LDLRAD3: variants seen among roughly 807,000 people sequenced by gnomAD.
LDLRAD3 encodes low density lipoprotein receptor class A domain containing 3, also known as low-density lipoprotein receptor class A domain-containing protein 3.
A neutral mutation model predicts 29.4 loss-of-function variants in LDLRAD3; 20 were observed. That is an observed-to-expected ratio of 0.68 (90% CI 0.48 to 0.99). The LOEUF (loss-of-function observed/expected upper bound fraction) is 0.99, where lower values mean the gene tolerates loss of function less well. Ranked by LOEUF, LDLRAD3 falls within the 50% of genes least tolerant of loss-of-function variation. The probability of loss-of-function intolerance (pLI) is 0.00; values close to 1 mark genes in which losing one functional copy is unlikely to be tolerated. For synonymous variants in LDLRAD3, 157 were observed against 192.7 expected, an observed-to-expected ratio of 0.81 and a Z score of 1.53; for missense variants, 420 against 454.3, an observed-to-expected ratio of 0.92 and a Z score of 0.69.
chr11:36,083,676 T>A (rs926949859), intron 3 of LDLRAD3, among the ~76,000 whole-genome samples: 1 of 151,888 alleles, frequency 6.6e-6, no homozygotes, highest in African/African-American at 2.4e-5. Flanking sequence ...AGTAAGTGAG[T>A]ATCAGCTTGA....
intron 4 of LDLRAD3, chr11:36,102,073 A>G (rs1171710840): frequency 5.3e-6 from 1 of 188,780 alleles, no homozygotes; most frequent in Non-Finnish European, 1.1e-5. Context: ...TATTTTTAGT[A>G]GCGACGGGGT....
chr11:36,191,614 A>G (rs1854952358), intron 4 of LDLRAD3, among the ~76,000 whole-genome samples: 1 of 122,376 alleles, frequency 8.2e-6, no homozygotes, highest in Admixed American at 8.0e-5. Context: ...ACACACACAC[A>G]CACACACACG....
At chr11:36,103,267 C>T (rs968659033) in intron 4 of LDLRAD3, among the ~76,000 whole-genome samples, 1 of 133,454 alleles carries the variant, frequency 7.5e-6, no homozygotes, top group Non-Finnish European at 1.5e-5. Flanking sequence ...AGTGGAGTCT[C>T]GCTCTGTCAC....
At position 36,067,842 on chromosome 11, in the gene LDLRAD3, A is replaced by AT. The variant is rs1022888816; in HGVS notation, c.194-13803dup. ...TGTGCCTGGCTAAATTTTTTTTTGT[A>AT]TTTTTTTTGTAGAGATAAGGTTTCA... On this transcript the variant is annotated intron_variant, in intron 2 of 5. Transcript: ENST00000315571. Among the ~76,000 whole-genome samples, 33 of 151,504 alleles carry AT rather than the reference A, an allele frequency of 2.2e-4. No individual in the cohort carries two copies. The South Asian group carries it at 4.8e-3, about 22-fold the overall frequency.
intron 4 of LDLRAD3, among the ~76,000 whole-genome samples, chr11:36,188,799 C>T (rs1277439188): frequency 2.6e-5 from 4 of 152,094 alleles, no homozygotes; most frequent in African/African-American, 4.8e-5. Context: ...AACATTGAAA[C>T]TACTAGCCCT....
intron 1 of LDLRAD3, among the ~76,000 whole-genome samples, chr11:35,985,247 T>A (rs945963408): frequency 5.9e-5 from 9 of 152,230 alleles, no homozygotes; most frequent in African/African-American, 2.2e-4. Flanking sequence ...TGTTCTTGAC[T>A]TGGTGCTTCC....
At chr11:36,135,765 T>C (rs1251332225) in intron 4 of LDLRAD3, among the ~76,000 whole-genome samples, 1 of 151,984 alleles carries the variant, frequency 6.6e-6, no homozygotes, top group Non-Finnish European at 1.5e-5. Flanking sequence ...CAAAAATTAG[T>C]TGGGTGTGGT....
At chr11:36,192,576 T>A (rs1253702361) in intron 4 of LDLRAD3, among the ~76,000 whole-genome samples, 1 of 152,238 alleles carries the variant, frequency 6.6e-6, no homozygotes, top group Non-Finnish European at 1.5e-5. Flanking sequence ...GTTATAATGC[T>A]GCCCTGCTCT....
intron 1 of LDLRAD3, among the ~76,000 whole-genome samples, chr11:35,945,414 C>T (rs1027233798): frequency 1.3e-5 from 2 of 152,312 alleles, no homozygotes; most frequent in South Asian, 4.1e-4. Context: ...CTCTGATACC[C>T]CATTTAGATG....
At chr11:36,025,376 A>G (rs888133709) in intron 1 of LDLRAD3, among the ~76,000 whole-genome samples, 1 of 149,904 alleles carries the variant, frequency 6.7e-6, no homozygotes, top group African/African-American at 2.4e-5. Flanking sequence ...ATATTTTGCC[A>G]TGCTGGCTTC....
intron 1 of LDLRAD3, among the ~76,000 whole-genome samples, chr11:35,950,697 C>T (rs1851120653): frequency 6.6e-6 from 1 of 152,204 alleles, no homozygotes; most frequent in South Asian, 2.1e-4. Flanking sequence ...GAGTGGCTCC[C>T]ATTCATTGAA....
At chr11:36,133,547 CTTT>C (rs67935336) in intron 4 of LDLRAD3, among the ~76,000 whole-genome samples, 54 of 119,886 alleles carry the variant, frequency 4.5e-4, no homozygotes, top group Middle Eastern at 4.7e-3. Flanking sequence ...TTTTTCTTTT[CTTT>C]TTTTTTTTTT....
intron 4 of LDLRAD3, among the ~76,000 whole-genome samples, chr11:36,117,325 A>AAAT (rs1323668466): frequency 6.6e-6 from 1 of 152,218 alleles, no homozygotes; most frequent in Non-Finnish European, 1.5e-5. Context: ...TAGAATTGCA[A>AAAT]AATTCTCACA....
intron 2 of LDLRAD3, among the ~76,000 whole-genome samples, chr11:36,046,317 TC>T (rs1372237526): frequency 6.6e-6 from 1 of 152,144 alleles, no homozygotes; most frequent in Admixed American, 6.5e-5. Flanking sequence ...TTGTGAGGCC[TC>T]CCCAGCCATG....
chr11:36,176,280 G>A lies in LDLRAD3; in HGVS notation c.455-50805G>A, dbSNP rs1381267105. Among the ~76,000 whole-genome samples the A allele has an allele frequency of 2.6e-5, 4 of 152,210 alleles. No individual in the cohort carries two copies. In the East Asian group the frequency reaches 7.7e-4, roughly 29 times the overall value. On this transcript the variant is annotated intron_variant, in intron 4 of 5. Coordinates refer to ENST00000315571, the MANE Select transcript of LDLRAD3 (RefSeq NM_174902.4). ...TCTGATATTCTTTCTCTTTTAAGTG[G>A]AGTACTTAGGCCATTTACTTTCAAT... is the stretch of plus-strand genomic sequence containing the variant.
chr11:36,020,384 A>C (rs1852081034), intron 1 of LDLRAD3, among the ~76,000 whole-genome samples: 1 of 152,218 alleles, frequency 6.6e-6, no homozygotes, highest in South Asian at 2.1e-4. Context: ...TGTAATCTTA[A>C]AATGCATGCA....
At chr11:36,198,573 C>A (rs534764070) in intron 4 of LDLRAD3, among the ~76,000 whole-genome samples, 1 of 152,204 alleles carries the variant, frequency 6.6e-6, no homozygotes, top group East Asian at 1.9e-4. Context: ...TTGCTTCCCC[C>A]CCATCCCACT....
chr11:36,113,528 C>T (rs1019768001), intron 4 of LDLRAD3, among the ~76,000 whole-genome samples: 5 of 152,126 alleles, frequency 3.3e-5, no homozygotes, highest in African/African-American at 4.8e-5. Flanking sequence ...ATACACATCA[C>T]TTTCACTGAT....
intron 4 of LDLRAD3, among the ~76,000 whole-genome samples, chr11:36,162,121 T>C (rs1040251274): frequency 6.6e-6 from 1 of 152,214 alleles, no homozygotes; most frequent in Non-Finnish European, 1.5e-5. Flanking sequence ...TTAGCCTCGA[T>C]GTGCTAAGCA....
Sources: allele counts gnomAD v4.1 joint callset (sites outside exome capture counted in the v4.1 genomes callset), GRCh38; gene constraint gnomAD v4.1.1; transcripts MANE v1.5; gene names NCBI Gene and HGNC (gene_info 2026-07-23, HGNC 2026-07-21).